The following BRINP3 variants were observed in gnomAD, a reference collection of about 807,000 sequenced individuals.
BRINP3 encodes BMP/retinoic acid inducible neural specific 3.
In BRINP3, 19 loss-of-function variants were observed where a neutral mutation model predicts 71.0. The ratio of observed to expected loss-of-function variants is 0.27; its 90% CI spans 0.19 to 0.39. The LOEUF (loss-of-function observed/expected upper bound fraction) is 0.39. Among genes scored for constraint, BRINP3 ranks in the 10% least tolerant of loss-of-function variants. The pLI is 1.00. For synonymous variants in BRINP3, 380 were observed against 337.7 expected, an observed-to-expected ratio of 1.13 and a Z score of -1.37; for missense variants, 959 against 940.8, an observed-to-expected ratio of 1.02 and a Z score of -0.25.
rs1306048603 is a variant in BRINP3, at chr1:190,328,193, G to T, written c.237-46443C>A. Reference sequence around the variant, plus strand: ...TGACCCCAAAGCTAGCAAAAGAAAAGAAATAACTAAAATCGGAGTGGAACT... The same window carrying T: ...TGACCCCAAAGCTAGCAAAAGAAAATAAATAACTAAAATCGGAGTGGAACT... On this transcript the variant is annotated intron_variant, in intron 2 of 7. Coordinates refer to ENST00000367462, the MANE Select transcript of BRINP3 (RefSeq NM_199051.3). 3.9e-5 allele frequency among the ~76,000 whole-genome samples: 6 copies of T among 152,106 alleles called. No homozygotes were observed. The South Asian group carries it at 8.3e-4, about 21-fold the overall frequency.
chr1:190,182,369 T>G (rs1258146901), intron 6 of BRINP3, among the ~76,000 whole-genome samples: 3 of 152,124 alleles, frequency 2.0e-5, no homozygotes, highest in Non-Finnish European at 4.4e-5. Flanking sequence ...TCTATTTATT[T>G]TCTTTCAGAA....
At chr1:190,241,658 A>C (rs1659110864) in intron 4 of BRINP3, among the ~76,000 whole-genome samples, 1 of 152,002 alleles carries the variant, frequency 6.6e-6, no homozygotes, top group Non-Finnish European at 1.5e-5. Flanking sequence ...CTAAGTATGA[A>C]TTTATTAATG....
intron 2 of BRINP3, among the ~76,000 whole-genome samples, chr1:190,403,190 T>C (rs1312316485): frequency 6.6e-6 from 1 of 152,120 alleles, no homozygotes; most frequent in Non-Finnish European, 1.5e-5. Context: ...AAAAAGAAAA[T>C]GGAAACTTAT....
rs183210773 is a variant in BRINP3 at position 190,367,147 on chromosome 1, C to T, written c.237-85397G>A. Among the ~76,000 whole-genome samples the T allele has an allele frequency of 1.1e-4, 17 of 152,312 alleles. No individual in the cohort carries two copies. The East Asian group carries it at 2.7e-3, about 24-fold the overall frequency. ...TTTCATTGCCCTGGCAGAGGTTCTC[C>T]GTGAGCATTCCACCCATGTAGAACA... On this transcript the variant is annotated intron_variant, in intron 2 of 7. Transcript: ENST00000367462.
At chr1:190,323,729 C>G (rs912163164) in intron 2 of BRINP3, among the ~76,000 whole-genome samples, 1 of 151,742 alleles carries the variant, frequency 6.6e-6, no homozygotes, top group Non-Finnish European at 1.5e-5. Flanking sequence ...ACAAGCATGA[C>G]ATGATCATGA....
chr1:190,154,420 T>A (rs1464546043), intron 7 of BRINP3, among the ~76,000 whole-genome samples: 1 of 152,118 alleles, frequency 6.6e-6, no homozygotes, highest in African/African-American at 2.4e-5. Context: ...GAGGGCAAGA[T>A]CCTATCAGAA....
At chr1:190,369,970 T>G (rs1669754875) in intron 2 of BRINP3, among the ~76,000 whole-genome samples, 1 of 152,086 alleles carries the variant, frequency 6.6e-6, no homozygotes, top group Admixed American at 6.6e-5. Context: ...CATTATGGAG[T>G]TGGTCACTGA....
At chr1:190,301,532 T>A (rs1759764) in intron 2 of BRINP3, among the ~76,000 whole-genome samples, 1 of 151,254 alleles carries the variant, frequency 6.6e-6, no homozygotes, top group Non-Finnish European at 1.5e-5. Context: ...CATTTATCTC[T>A]TTCCTTCCTT....
chr1:190,153,729 C>T (rs565659157), intron 7 of BRINP3, among the ~76,000 whole-genome samples: 39 of 152,208 alleles, frequency 2.6e-4, no homozygotes, highest in Middle Eastern at 3.4e-3. Flanking sequence ...GCCATGGTGG[C>T]TCATGCCTGT....
chr1:190,302,576 A>T (rs185243752), intron 2 of BRINP3: 2 of 151,976 alleles, frequency 1.3e-5, no homozygotes, highest in African/African-American at 4.8e-5. Context: ...TTCATATTTG[A>T]TCTAACTTTG....
rs964112892 is a variant in BRINP3, at chr1:190,362,300, C to T, written c.237-80550G>A. Reference sequence around the variant, plus strand: ...TAAGCACGGTCTTAAGTTAATATGACTCATGCTAGGGGACCTACAGACATA... The same window carrying T: ...TAAGCACGGTCTTAAGTTAATATGATTCATGCTAGGGGACCTACAGACATA... On this transcript the variant is annotated intron_variant, in intron 2 of 7. Coordinates refer to ENST00000367462, the MANE Select transcript of BRINP3 (RefSeq NM_199051.3). 6 of 152,168 alleles carry T rather than the reference C, an allele frequency of 3.9e-5. No homozygotes were observed. In the East Asian group the frequency reaches 9.7e-4, roughly 24 times the overall value. 9.4% of individuals were successfully genotyped at this position (152,168 alleles called of 1,614,324 possible).
At chr1:190,353,237 T>G (rs2102061024) in intron 2 of BRINP3, among the ~76,000 whole-genome samples, 1 of 152,092 alleles carries the variant, frequency 6.6e-6, no homozygotes, top group South Asian at 2.1e-4. Context: ...TGTCTATAAT[T>G]AATAATACAA....
chr1:190,383,123 T>G (rs1022584505), intron 2 of BRINP3, among the ~76,000 whole-genome samples: 5 of 152,138 alleles, frequency 3.3e-5, no homozygotes, highest in African/African-American at 9.7e-5. Flanking sequence ...TTCAACTCAT[T>G]TTGATCAGGA....
At chr1:190,232,900 C>G (rs1658129274) in intron 5 of BRINP3, among the ~76,000 whole-genome samples, 1 of 151,912 alleles carries the variant, frequency 6.6e-6, no homozygotes, top group Non-Finnish European at 1.5e-5. Context: ...TAGAGAATTG[C>G]AAGAAACATT....
chr1:190,456,654 A>T (rs1676011713), intron 1 of BRINP3, among the ~76,000 whole-genome samples: 1 of 152,138 alleles, frequency 6.6e-6, no homozygotes, highest in Admixed American at 6.5e-5. Flanking sequence ...TCTTATGTGT[A>T]GTGGTATAGT....
chr1:190,128,411 T>A (rs569026351), intron 7 of BRINP3, among the ~76,000 whole-genome samples: 1 of 151,824 alleles, frequency 6.6e-6, no homozygotes, highest in African/African-American at 2.4e-5. Context: ...AATTTTATCA[T>A]CCACAAACTA....
intron 2 of BRINP3, among the ~76,000 whole-genome samples, chr1:190,397,594 T>G (rs1276059167): frequency 6.6e-6 from 1 of 152,044 alleles, no homozygotes; most frequent in Non-Finnish European, 1.5e-5. Flanking sequence ...TTAATATAAT[T>G]ATATTCTAAA....
intron 2 of BRINP3, among the ~76,000 whole-genome samples, chr1:190,297,917 A>T (rs1664378102): frequency 6.6e-6 from 1 of 152,060 alleles, no homozygotes; most frequent in African/African-American, 2.4e-5. Context: ...AATAGTCTGT[A>T]AAATTATTGT....
Position 190,194,301 on chromosome 1 carries a change from C to G in BRINP3, c.961+31781G>C, listed in dbSNP as rs114954097. Among the ~76,000 whole-genome samples the G allele has an allele frequency of 1.6e-3, 245 of 152,068 alleles. 1 individual carries two copies. The highest frequency in any genetic ancestry group is 5.7e-3 in the African/African-American group (236 of 41,536). On this transcript the variant is annotated intron_variant, in intron 6 of 7. Coordinates refer to ENST00000367462, the MANE Select transcript of BRINP3 (RefSeq NM_199051.3). ...TCCTGTAGAACAAAGTGACAGTGCT[C>G]CTGCTGACACCTTGATTTTGGACCT...
Sources: gnomAD v4.1 joint callset for allele counts (sites outside exome capture counted in the v4.1 genomes callset) on GRCh38, gnomAD v4.1.1 for gene constraint, MANE v1.5 for transcripts, NCBI Gene and HGNC (gene_info 2026-07-23, HGNC 2026-07-21) for gene names.